ATG2A: variants seen among roughly 807,000 people sequenced by gnomAD.
The protein encoded by ATG2A is autophagy related 2A, also known as autophagy-related protein 2 homolog A.
In ATG2A, 103 loss-of-function variants were observed where a neutral mutation model predicts 214.2. The observed-to-expected ratio is 0.48, with a 90% CI of 0.41 to 0.57. The LOEUF is 0.57. ATG2A is among the 20% of genes least tolerant of loss of function. The pLI is 0.00. For synonymous variants in ATG2A, 1,160 were observed against 1,142.1 expected (o/e 1.02, Z -0.32); for missense variants, 2,312 against 2,613.2 (o/e 0.88, Z 2.51).
Position 64,894,934 on chromosome 11 carries a change from A to G in ATG2A, c.*39T>C, listed in dbSNP as rs781686558. 6.2e-7 allele frequency: 1 copy of G among 1,607,652 alleles called. No individual in the cohort carries two copies. Among genetic ancestry groups the G allele is most frequent in the Middle Eastern group, 1.6e-4 (1 of 6,070 alleles). ...TGCAGCTCTTGGGAGGCTCAGGAGC[A>G]TGGTGGGCAGCACCCTCTGGGTGCC... is the stretch of plus-strand genomic sequence containing the variant. On this transcript the variant is annotated 3_prime_UTR_variant, in exon 41 of 41. Transcript: ENST00000377264.
intron 31 of ATG2A, among the ~76,000 whole-genome samples, chr11:64,899,189 G>T (rs962673947): frequency 4.6e-5 from 7 of 152,102 alleles, no homozygotes; most frequent in Admixed American, 2.0e-4. Flanking sequence ...ACAGGCATGA[G>T]CCACCATGCC....
At chr11:64,909,191 G>C (rs367670991) in intron 15 of ATG2A, 41 bp from the exon 16 acceptor site, 1 of 1,606,026 alleles carries the variant, frequency 6.2e-7, no homozygotes, top group East Asian at 2.2e-5. Flanking sequence ...CAGGGCCCCC[G>C]GCACCCAGTT....
At chr11:64,902,468 G>A (rs1446556140) in intron 27 of ATG2A, 48 bp downstream of exon 27, 2 of 1,530,832 alleles carry the variant, frequency 1.3e-6, no homozygotes, top group South Asian at 1.2e-5. Context: ...GGCAGGGGAG[G>A]GGCCTGGCCG....
chr11:64,894,565 C>T lies in ATG2A; in HGVS notation c.*408G>A, dbSNP rs1281977284. Reference sequence around the variant, plus strand: ...GGGGGCTGGCGGTGGGCAGTTTATTCCACTTCATGCAGACACTGACCCACG... The same window carrying T: ...GGGGGCTGGCGGTGGGCAGTTTATTTCACTTCATGCAGACACTGACCCACG... On this transcript the variant is annotated 3_prime_UTR_variant, in exon 41 of 41. Transcript: ENST00000377264. 2 of 477,028 alleles carry T rather than the reference C, an allele frequency of 4.2e-6. No individual in the cohort carries two copies. Among genetic ancestry groups the T allele is most frequent in the South Asian group, 1.5e-5 (1 of 64,722 alleles). The allele number at this position is 477,028 out of a possible 1,614,324, so 29.5% of individuals were successfully genotyped here. A position where few individuals can be genotyped will look rare whatever the true frequency, so the allele number is the denominator to read the frequency against.
chr11:64,900,354 C>T lies in ATG2A; in HGVS notation c.4464+140G>A, dbSNP rs941931949. On this transcript the variant is annotated intron_variant, in intron 31 of 40. Coordinates refer to ENST00000377264, the MANE Select transcript of ATG2A (RefSeq NM_015104.3). Reference sequence around the variant, plus strand: ...TCTTCACCATCGGACACACTCGATACATCTTGGTCCCTGCCTGGCTTCCTC... The same window carrying T: ...TCTTCACCATCGGACACACTCGATATATCTTGGTCCCTGCCTGGCTTCCTC... 3 of 1,308,598 alleles carry T rather than the reference C, an allele frequency of 2.3e-6. No individual in the cohort carries two copies. In the African/African-American group the frequency reaches 4.3e-5, roughly 19 times the overall value. The allele number at this position is 1,308,598 out of a possible 1,614,324, so 81.1% of individuals were successfully genotyped here. A position where few individuals can be genotyped will look rare whatever the true frequency, so the allele number is the denominator to read the frequency against.
In ATG2A at chr11:64,911,086, T is replaced by C; in HGVS notation, c.1418A>G (p.His473Arg). ...CCTCTGGAAGCGTGGTCGAAGGTGA[T>C]GGAAGTCTCGGGAACCGAAGGGCCC... ...KDGPFGSRDFHHLRPRFQRAC... is the reference protein window; with the variant it reads ...KDGPFGSRDFRHLRPRFQRAC... Residue 473 changes from histidine (H) to arginine (R), a missense_variant, in exon 10 of 41, where the codon CAT becomes CGT. Physicochemically the swap from His to Arg is conservative, Grantham distance 29 (BLOSUM62 0). Coordinates refer to ENST00000377264, the MANE Select transcript of ATG2A (RefSeq NM_015104.3). The C allele has an allele frequency of 5.0e-6, 8 of 1,613,938 alleles. No homozygotes were observed. The highest frequency in any genetic ancestry group is 1.3e-5 in the African/African-American group (1 of 75,008).
In ATG2A at chr11:64,902,807, T is replaced by C. The variant is rs1944405151; in HGVS notation, c.3613-127A>G. The C allele has an allele frequency of 8.7e-6, 7 of 802,316 alleles. No individual in the cohort carries two copies. In the South Asian group the frequency reaches 1.2e-4, roughly 14 times the overall value. The allele number at this position is 802,316 out of a possible 1,614,324, so 49.7% of individuals were successfully genotyped here. On this transcript the variant is annotated intron_variant, in intron 26 of 40. Transcript: ENST00000377264. ...CAGGCAGAACAGGGATGGTCTCTCC[T>C]GGAGTGGATGACCTGCCCAGTAACT...
chr11:64,905,989 G>A, intron 22 of ATG2A, 124 bp downstream of exon 22: 2 of 1,396,402 alleles, frequency 1.4e-6, no homozygotes, highest in Non-Finnish European at 2.0e-6. Context: ...AGGAGCTCCG[G>A]ACAAGGTCAG....
At chr11:64,910,262 T>C in intron 12 of ATG2A, 67 bp from the exon 13 acceptor site, 1 of 1,510,502 alleles carries the variant, frequency 6.6e-7, no homozygotes, top group Non-Finnish European at 8.8e-7. Flanking sequence ...AGGAAGGCCC[T>C]CTCTGGTAGT....
At chr11:64,905,716 A>G in intron 23 of ATG2A, 26 bp downstream of exon 23, 1 of 1,613,402 alleles carries the variant, frequency 6.2e-7, no homozygotes, top group Non-Finnish European at 8.5e-7. Context: ...CCCCGTCCCC[A>G]GCCCCTGGCC....
In ATG2A at chr11:64,898,818, G is replaced by C. The variant is rs567842547; in HGVS notation, c.4489C>G (p.Pro1497Ala). 6.8e-6 allele frequency: 11 copies of C among 1,611,732 alleles called. No homozygotes were observed. In the South Asian group the frequency reaches 1.2e-4, roughly 18 times the overall value. The change falls in exon 32 of 41, where the codon CCA becomes GCA. Residue 1497 changes from proline (P) to alanine (A), a missense_variant. By Grantham distance (27) the Pro-to-Ala change is conservative. Coordinates refer to ENST00000377264, the MANE Select transcript of ATG2A (RefSeq NM_015104.3). This position sits in a 1 kb window ranked among gnomAD's most constrained non-coding sequence, Gnocchi z 4.5. The stretch of plus-strand genomic sequence containing the variant: ...GCAGGGCCTGTGGCTGGCTCCGCTG[G>C]GTACACCTCGTGCTGGAAGCTTACC... ...SKVSFQHEVY[P>A]AEPATGPAAP...
Position 64,914,505 on chromosome 11 carries a change from GAGCA to G in ATG2A, c.172-9_172-6del. The G allele has an allele frequency of 6.2e-7, 1 of 1,611,126 alleles. No individual in the cohort carries two copies. Among genetic ancestry groups the G allele is most frequent in the Non-Finnish European group, 8.5e-7 (1 of 1,179,130 alleles). ...CTCCAGCACCTCGTTCACAGACTGG[GAGCA>G]AGCAAGAGACAAAACCAGCTCAGGG... On this transcript the variant is annotated splice_polypyrimidine_tract_variant and splice_region_variant and intron_variant, in intron 1 of 40. Transcript: ENST00000377264.
chr11:64,895,213 T>C lies in ATG2A; in HGVS notation c.5581-4A>G, dbSNP rs759634205. 3 of 1,612,832 alleles carry C rather than the reference T, an allele frequency of 1.9e-6. No homozygotes were observed. Among genetic ancestry groups the C allele is most frequent in the African/African-American group, 2.7e-5 (2 of 74,974 alleles). On this transcript the variant is annotated splice_polypyrimidine_tract_variant and splice_region_variant and intron_variant, in intron 40 of 40. Transcript: ENST00000377264. This position sits in a 1 kb window ranked among gnomAD's most constrained non-coding sequence, Gnocchi z 5.0. ...TCTGAGCTGTATCCAAGATGCCCTG[T>C]GGAAGCCAGAGGTCAGGGCGGGGTC...
chr11:64,898,267 C>T lies in ATG2A; in HGVS notation c.4767G>A (p.Val1589=). Residue 1589 remains valine, a synonymous_variant, in exon 33 of 41, where the codon GTG becomes GTA. Coordinates refer to ENST00000377264, the MANE Select transcript of ATG2A (RefSeq NM_015104.3). This position sits in a 1 kb window ranked among gnomAD's most constrained non-coding sequence, Gnocchi z 4.5. ...CCTCACGTAGACCACTCACCTGGTC[C>T]ACATTGAGCCGCAGGGGCATCAGCG... is the stretch of plus-strand genomic sequence containing the variant. ...RVSLMPLRLN[V]DQDALFFLKD... The T allele has an allele frequency of 6.2e-7, 1 of 1,613,736 alleles. No homozygotes were observed.
At chr11:64,901,196 A>C (rs1944340963) in intron 29 of ATG2A, 104 bp from the exon 30 acceptor site, 6 of 1,049,806 alleles carry the variant, frequency 5.7e-6, no homozygotes, top group Non-Finnish European at 8.2e-6. Context: ...TTTTTTTTTT[A>C]TAGACAGGGT....
At position 64,911,265 on chromosome 11, in the gene ATG2A, G is replaced by A. The variant is rs1231249172; in HGVS notation, c.1239C>T (p.Ala413=). The change falls in exon 10 of 41, where the codon GCC becomes GCT. Residue 413 remains alanine (A), a synonymous_variant. Coordinates refer to ENST00000377264, the MANE Select transcript of ATG2A (RefSeq NM_015104.3). ...SAQAHPAGKM[A]PNPLLDTMRP... ...GCATGGTGTCCAGGAGGGGGTTGGG[G>A]GCCATCTTGCCTGAGGGGACAGAGG... is the stretch of plus-strand genomic sequence containing the variant. 10 of 1,613,606 alleles carry A rather than the reference G, an allele frequency of 6.2e-6. No individual in the cohort carries two copies. The highest frequency in any genetic ancestry group is 8.5e-6 in the Non-Finnish European group (10 of 1,180,004).
chr11:64,900,912 G>T lies in ATG2A; in HGVS notation c.4300C>A (p.Arg1434=). The change falls in exon 30 of 41, where the codon CGA becomes AGA. Residue 1434 remains arginine (R), a synonymous_variant. Transcript: ENST00000377264. ...TGGCCGGGGTGGGGGCCAAAGTCTC[G>T]GCCCCCATAGAGGTGCCAGACGAGG... ...VSLVWHLYGG[R]DFGPHPGHRA... The T allele has an allele frequency of 6.4e-7, 1 of 1,566,798 alleles. No homozygotes were observed.
chr11:64,903,541 G>C lies in ATG2A; in HGVS notation c.3535+49C>G, dbSNP rs1565749777. 15 of 1,519,178 alleles carry C rather than the reference G, an allele frequency of 9.9e-6. No homozygotes were observed. The highest frequency in any genetic ancestry group is 1.3e-5 in the Non-Finnish European group (15 of 1,127,880). 94.1% of individuals were successfully genotyped at this position (1,519,178 alleles called of 1,614,324 possible). On this transcript the variant is annotated intron_variant, in intron 25 of 40. Transcript: ENST00000377264. The surrounding 1 kb of genome is among the most constrained non-coding windows in gnomAD (Gnocchi z 4.2). Reference sequence around the variant, plus strand: ...CACCTGGCTGCTCTGGGTGTGGCCGGGGCGGTGGTCCCTCAGAGGGGAGGG... The same window carrying C: ...CACCTGGCTGCTCTGGGTGTGGCCGCGGCGGTGGTCCCTCAGAGGGGAGGG...
intron 14 of ATG2A, 142 bp from the exon 15 acceptor site, chr11:64,909,509 C>T (rs1944681788): frequency 1.4e-6 from 2 of 1,403,198 alleles, no homozygotes; most frequent in African/African-American, 1.4e-5. Context: ...AAGGGTCCAC[C>T]CTACTTGTCG....
Sources: allele counts gnomAD v4.1 joint callset (sites outside exome capture counted in the v4.1 genomes callset), GRCh38; gene constraint gnomAD v4.1.1; non-coding constraint Gnocchi (gnomAD v3.1); transcripts MANE v1.5; gene names NCBI Gene and HGNC (gene_info 2026-07-23, HGNC 2026-07-21).